THSD7B: variants seen among roughly 807,000 people sequenced by gnomAD.
THSD7B encodes thrombospondin type-1 domain-containing protein 7B.
Under a neutral mutation model 213.6 loss-of-function variants are expected in THSD7B, and 138 were observed. The observed-to-expected ratio is 0.65, with a 90% CI of 0.56 to 0.74. The LOEUF (loss-of-function observed/expected upper bound fraction) is 0.74. Among genes scored for constraint, THSD7B ranks in the 30% least tolerant of loss-of-function variants. The pLI is 0.00. For synonymous variants in THSD7B, 742 were observed against 687.0 expected, an observed-to-expected ratio of 1.08 and a Z score of -1.25; for missense variants, 1,931 against 1,991.5, an observed-to-expected ratio of 0.97 and a Z score of 0.58.
chr2:137,036,164 AT>A (rs1686770281), intron 2 of THSD7B, among the ~76,000 whole-genome samples: 1 of 152,186 alleles, frequency 6.6e-6, no homozygotes, highest in Non-Finnish European at 1.5e-5. Flanking sequence ...ATTTTCACTA[AT>A]GCACATGAAA....
At chr2:137,082,091 C>T (rs565630297) in intron 3 of THSD7B, among the ~76,000 whole-genome samples, 4 of 152,026 alleles carry the variant, frequency 2.6e-5, no homozygotes, top group South Asian at 4.1e-4. Flanking sequence ...TGCCAAGTTC[C>T]GAACTGTTTT....
chr2:137,214,674 C>T (rs1046000079), intron 7 of THSD7B, among the ~76,000 whole-genome samples: 5 of 150,120 alleles, frequency 3.3e-5, no homozygotes, highest in African/African-American at 7.4e-5. Flanking sequence ...CGAGTGAGAA[C>T]GTGTGGTGTT....
At chr2:137,483,873 T>C (rs1688363152) in intron 15 of THSD7B, among the ~76,000 whole-genome samples, 1 of 152,082 alleles carries the variant, frequency 6.6e-6, no homozygotes, top group Non-Finnish European at 1.5e-5. Flanking sequence ...GGATAGAAAC[T>C]TGAGGGAGCG....
At chr2:136,992,429 C>T (rs1685803450) in intron 2 of THSD7B, among the ~76,000 whole-genome samples, 1 of 152,202 alleles carries the variant, frequency 6.6e-6, no homozygotes, top group Non-Finnish European at 1.5e-5. Context: ...ATTGTGGGTT[C>T]TCCCAGTAGC....
chr2:136,987,624 A>G (rs1335296568), intron 2 of THSD7B, among the ~76,000 whole-genome samples: 1 of 152,188 alleles, frequency 6.6e-6, no homozygotes, highest in African/African-American at 2.4e-5. Flanking sequence ...CAGCTTTCCC[A>G]CCACTCAACT....
intron 7 of THSD7B, among the ~76,000 whole-genome samples, chr2:137,186,314 G>A (rs576848829): frequency 3.9e-5 from 6 of 152,244 alleles, no homozygotes; most frequent in Middle Eastern, 3.4e-3. Flanking sequence ...CAAAGCCCGT[G>A]TTGTGAAGGG....
intron 15 of THSD7B, among the ~76,000 whole-genome samples, chr2:137,553,918 G>C (rs1680899218): frequency 6.6e-6 from 1 of 152,106 alleles, no homozygotes; most frequent in African/African-American, 2.4e-5. Context: ...TGAATGCCCT[G>C]CTGCTTTTTT....
At chr2:137,287,089 T>C (rs781728569) in intron 12 of THSD7B, among the ~76,000 whole-genome samples, 9 of 152,166 alleles carry the variant, frequency 5.9e-5, no homozygotes, top group Non-Finnish European at 1.2e-4. Context: ...TATTTTTGTA[T>C]TATTTATTAT....
At chr2:137,566,474 A>G (rs1681241529) in intron 16 of THSD7B, among the ~76,000 whole-genome samples, 1 of 152,180 alleles carries the variant, frequency 6.6e-6, no homozygotes, top group African/African-American at 2.4e-5. Flanking sequence ...GGATCTTGCA[A>G]TAAGGTGGTG....
intron 5 of THSD7B, among the ~76,000 whole-genome samples, chr2:137,119,138 G>A (rs1244045635): frequency 6.6e-6 from 1 of 152,154 alleles, no homozygotes; most frequent in Admixed American, 6.5e-5. Flanking sequence ...ATATATTTCA[G>A]GTTCTGGGTT....
chr2:137,281,106 T>C (rs1168742203), intron 12 of THSD7B, among the ~76,000 whole-genome samples: 1 of 152,108 alleles, frequency 6.6e-6, no homozygotes, highest in Non-Finnish European at 1.5e-5. Context: ...ATCTGTAGTC[T>C]TTTTTGGTTT....
chr2:137,187,798 T>C (rs1680578342), intron 7 of THSD7B, among the ~76,000 whole-genome samples: 1 of 152,212 alleles, frequency 6.6e-6, no homozygotes. Flanking sequence ...CTTTGCTGTA[T>C]ATAGTATATA....
At chr2:137,259,846 T>A (rs1295312602) in intron 10 of THSD7B, among the ~76,000 whole-genome samples, 3 of 152,178 alleles carry the variant, frequency 2.0e-5, no homozygotes, top group African/African-American at 7.2e-5. Flanking sequence ...TTAGAATATT[T>A]CAGTATTCTT....
intron 12 of THSD7B, among the ~76,000 whole-genome samples, chr2:137,310,330 T>C (rs367717386): frequency 0.035 from 4,975 of 142,806 alleles, 81 homozygotes; most frequent in East Asian, 0.066. Context: ...TCATGTCCTT[T>C]GCCCACTTTT....
intron 12 of THSD7B, among the ~76,000 whole-genome samples, chr2:137,399,429 A>T (rs376937446): frequency 2.6e-5 from 4 of 151,948 alleles, no homozygotes; most frequent in Non-Finnish European, 5.9e-5. Flanking sequence ...CTGACCTTGA[A>T]TGATCTCCCA....
intron 2 of THSD7B, among the ~76,000 whole-genome samples, chr2:137,052,116 C>T (rs1157324174): frequency 6.6e-6 from 1 of 152,206 alleles, no homozygotes; most frequent in Non-Finnish European, 1.5e-5. Context: ...GCGAGTTCAT[C>T]AGTGCTACCC....
At chr2:137,337,482 T>C (rs1484207825) in intron 12 of THSD7B, among the ~76,000 whole-genome samples, 1 of 152,118 alleles carries the variant, frequency 6.6e-6, no homozygotes, top group Non-Finnish European at 1.5e-5. Flanking sequence ...CATTACAGAT[T>C]AATTTTGATC....
rs116329225 is a variant in THSD7B, at chr2:137,267,987, A to G, written c.2267-4546A>G. Among the ~76,000 whole-genome samples the G allele has an allele frequency of 2.9e-3, 434 of 152,198 alleles. 3 individuals carry two copies. Among genetic ancestry groups the G allele is most frequent in the African/African-American group, 0.01 (421 of 41,528 alleles). On this transcript the variant is annotated intron_variant, in intron 10 of 27. Coordinates refer to ENST00000409968, the MANE Select transcript of THSD7B (RefSeq NM_001316349.2). ...TTCTCTTACCTGGCTTCAAACCATG[A>G]TATTGGGGGCTGCCTCAGACTCTAC...
At chr2:137,481,035 A>G (rs1376760723) in intron 15 of THSD7B, among the ~76,000 whole-genome samples, 1 of 152,234 alleles carries the variant, frequency 6.6e-6, no homozygotes, top group Non-Finnish European at 1.5e-5. Context: ...GTGAGGATAC[A>G]GCATTTGTCC....
Sources: gnomAD v4.1 joint callset for allele counts (sites outside exome capture counted in the v4.1 genomes callset) on GRCh38, gnomAD v4.1.1 for gene constraint, MANE v1.5 for transcripts, NCBI Gene and HGNC (gene_info 2026-07-23, HGNC 2026-07-21) for gene names.